Variants in PCDHGB7 observed in about 807,000 individuals in gnomAD.
PCDHGB7 encodes the protein protocadherin gamma subfamily B, 7.
Under a neutral mutation model 61.4 loss-of-function variants are expected in PCDHGB7, and 37 were observed. The ratio of observed to expected loss-of-function variants is 0.60; its 90% CI spans 0.46 to 0.79. The LOEUF is 0.79. Among genes scored for constraint, PCDHGB7 ranks in the 30% least tolerant of loss-of-function variants. The pLI is 0.00. For synonymous variants in PCDHGB7, 464 were observed against 503.5 expected (o/e 0.92, Z 1.05); for missense variants, 1,166 against 1,202.5 (o/e 0.97, Z 0.45).
At chr5:141,436,611 C>T (rs893312137) in intron 1 of PCDHGB7, among the ~76,000 whole-genome samples, 1 of 152,126 alleles carries the variant, frequency 6.6e-6, no homozygotes, top group Non-Finnish European at 1.5e-5. Context: ...CTAGGGCTAA[C>T]AAAAATCTGA....
At chr5:141,421,267 C>T in intron 1 of PCDHGB7, 1 of 1,611,374 alleles carries the variant, frequency 6.2e-7, no homozygotes, top group Non-Finnish European at 8.5e-7. Flanking sequence ...CAGTCGGCTG[C>T]TGCTGCTGCT....
At chr5:141,454,964 C>T (rs1283179107) in intron 1 of PCDHGB7, among the ~76,000 whole-genome samples, 10 of 151,622 alleles carry the variant, frequency 6.6e-5, no homozygotes, top group African/African-American at 2.4e-4. Flanking sequence ...CCGGCCACCA[C>T]GCCTGGCTAA....
intron 1 of PCDHGB7, among the ~76,000 whole-genome samples, chr5:141,436,010 A>G (rs1188507054): frequency 6.6e-6 from 1 of 152,168 alleles, no homozygotes; most frequent in Non-Finnish European, 1.5e-5. Context: ...AAGTATTTGA[A>G]TTTATCTAAA....
At position 141,477,217 on chromosome 5, in the gene PCDHGB7, G is replaced by T. The variant is rs745497348; in HGVS notation, c.2416-17590G>T. On this transcript the variant is annotated intron_variant, in intron 1 of 3. Transcript: ENST00000398594. This position sits in a 1 kb window ranked among gnomAD's most constrained non-coding sequence, Gnocchi z 4.9. ...GCCCAGTACCCGAGGATGCCCCTCTGGGGACTGTCATCGCTTTGCTCAGTG... is the reference window on the plus strand; with the variant it reads ...GCCCAGTACCCGAGGATGCCCCTCTTGGGACTGTCATCGCTTTGCTCAGTG... The T allele has an allele frequency of 8.1e-6, 13 of 1,614,178 alleles. No homozygotes were observed. The African/African-American group carries it at 1.7e-4, about 22-fold the overall frequency.
chr5:141,421,050 T>TACCACACAA, intron 1 of PCDHGB7: 1 of 561,278 alleles, frequency 1.8e-6, no homozygotes, highest in Non-Finnish European at 3.1e-6. Flanking sequence ...CCCCCGCCTC[T>TACCACACAA]ACCACACAAA....
At chr5:141,422,198 A>G (rs2096632774) in intron 1 of PCDHGB7, 1 of 1,562,340 alleles carries the variant, frequency 6.4e-7, no homozygotes, top group Non-Finnish European at 8.6e-7. Flanking sequence ...CAAGGCCAAG[A>G]TGGTGGAGGT....
chr5:141,463,446 T>TC, intron 1 of PCDHGB7, among the ~76,000 whole-genome samples: 1 of 125,012 alleles, frequency 8.0e-6, no homozygotes, highest in Non-Finnish European at 1.7e-5. Flanking sequence ...TCCTTTTTTT[T>TC]TTTTTTTTTT....
At chr5:141,509,823 TTCTC>T (rs2099878456) in intron 3 of PCDHGB7, among the ~76,000 whole-genome samples, 1 of 152,170 alleles carries the variant, frequency 6.6e-6, no homozygotes, top group Non-Finnish European at 1.5e-5. Flanking sequence ...CTTCTCCATC[TTCTC>T]TCTACCTCCC....
rs1562144438 is a variant in PCDHGB7, at chr5:141,491,135, G to T, written c.2416-3672G>T. The T allele has an allele frequency of 6.2e-7, 1 of 1,613,986 alleles. No individual in the cohort carries two copies. Among genetic ancestry groups the T allele is most frequent in the Non-Finnish European group, 8.5e-7 (1 of 1,180,000 alleles). On this transcript the variant is annotated intron_variant, in intron 1 of 3. Transcript: ENST00000398594. This position sits in a 1 kb window ranked among gnomAD's most constrained non-coding sequence, Gnocchi z 6.9. ...CACACTGGTGAGGTGCGCACAGCCC[G>T]GGCCTTACTGGAGGATGACTCTGAC...
chr5:141,440,075 T>C (rs2098148518), intron 1 of PCDHGB7: 1 of 152,428 alleles, frequency 6.6e-6, no homozygotes, highest in Non-Finnish European at 1.5e-5. Flanking sequence ...TGAGGAATAA[T>C]ACTTCATTCT....
In PCDHGB7 at chr5:141,432,002, G is replaced by A. The variant is rs781525225; in HGVS notation, c.2415+11728G>A. On this transcript the variant is annotated intron_variant, in intron 1 of 3. Transcript: ENST00000398594. This position sits in a 1 kb window ranked among gnomAD's most constrained non-coding sequence, Gnocchi z 6.0. ...AGACATAGTCTTGGATAGGGAACAG[G>A]TTCCTAGCTACAACATCACAGTGAC... The A allele has an allele frequency of 1.9e-6, 3 of 1,614,186 alleles. No homozygotes were observed. In the South Asian group the frequency reaches 3.3e-5, roughly 18 times the overall value.
At chr5:141,421,081 A>G (rs775366249) in intron 1 of PCDHGB7, 61 of 637,820 alleles carry the variant, frequency 9.6e-5, no homozygotes, top group Non-Finnish European at 1.4e-4. Flanking sequence ...ATGGATACTC[A>G]CAGATCCTGA....
chr5:141,464,343 A>C (rs944042669), intron 1 of PCDHGB7, among the ~76,000 whole-genome samples: 7 of 151,212 alleles, frequency 4.6e-5, no homozygotes, highest in African/African-American at 1.5e-4. Context: ...ATGACTTGTC[A>C]TTTAGGTAGT....
At position 141,500,878 on chromosome 5, in the gene PCDHGB7, T is replaced by A. The variant is rs545375199; in HGVS notation, c.2475-4515T>A. On this transcript the variant is annotated intron_variant, in intron 2 of 3. Transcript: ENST00000398594. The stretch of plus-strand genomic sequence containing the variant: ...AGAAAACATACACATTCATTTACAA[T>A]TTTTTTTTTTTGAGACAGTCTCGCT... Among the ~76,000 whole-genome samples, 20 of 92,410 alleles carry A rather than the reference T, an allele frequency of 2.2e-4. 1 individual carries two copies. The East Asian group carries it at 4.8e-3, about 22-fold the overall frequency. The allele number at this position is 92,410 out of a possible 152,430, so 60.6% of individuals were successfully genotyped here.
intron 1 of PCDHGB7, among the ~76,000 whole-genome samples, chr5:141,460,407 TTG>T: frequency 6.6e-6 from 1 of 152,188 alleles, no homozygotes; most frequent in Non-Finnish European, 1.5e-5. Flanking sequence ...TCCTTTTGAG[TTG>T]ATGTTTATGT....
intron 2 of PCDHGB7, among the ~76,000 whole-genome samples, chr5:141,499,314 A>C (rs2099791047): frequency 6.6e-6 from 1 of 152,238 alleles, no homozygotes; most frequent in Non-Finnish European, 1.5e-5. Context: ...TCTGAGAGAC[A>C]GTATCCCTGC....
rs921020435 is a variant in PCDHGB7, at chr5:141,477,853, G to A, written c.2416-16954G>A. 5.0e-6 allele frequency: 8 copies of A among 1,613,344 alleles called. No homozygotes were observed. The East Asian group carries it at 1.6e-4, about 31-fold the overall frequency. On this transcript the variant is annotated intron_variant, in intron 1 of 3. Coordinates refer to ENST00000398594, the MANE Select transcript of PCDHGB7 (RefSeq NM_018927.4). The surrounding 1 kb of genome is among the most constrained non-coding windows in gnomAD (Gnocchi z 4.9). The stretch of plus-strand genomic sequence containing the variant: ...GGCCAGGTGGGAGCTCGGTGGAGAT[G>A]CTGCCTCGAGGTACCTCAGCTGGCC...
chr5:141,446,578 GTGAT>G (rs2098507706), intron 1 of PCDHGB7, among the ~76,000 whole-genome samples: 1 of 152,064 alleles, frequency 6.6e-6, no homozygotes, highest in African/African-American at 2.4e-5. Context: ...CCAGGTTCAA[GTGAT>G]TCTTCTGCCT....
intron 1 of PCDHGB7, among the ~76,000 whole-genome samples, chr5:141,481,300 GA>G (rs998363845): frequency 3.3e-5 from 5 of 152,248 alleles, no homozygotes; most frequent in African/African-American, 1.2e-4. Context: ...TCATCTAAGG[GA>G]AAAACCTTCC....
Sources: gnomAD v4.1 joint callset for allele counts (sites outside exome capture counted in the v4.1 genomes callset) on GRCh38, gnomAD v4.1.1 for gene constraint, Gnocchi (gnomAD v3.1) non-coding constraint, MANE v1.5 for transcripts, NCBI Gene and HGNC (gene_info 2026-07-23, HGNC 2026-07-21) for gene names.